SDK1: variants seen among roughly 807,000 people sequenced by gnomAD.
SDK1 encodes protein sidekick-1.
A neutral mutation model predicts 245.5 loss-of-function variants in SDK1; 157 were observed. That is an observed-to-expected ratio of 0.64 (90% CI 0.56 to 0.73). The LOEUF (loss-of-function observed/expected upper bound fraction) is 0.73, where lower values mean the gene tolerates loss of function less well. SDK1 is among the 30% of genes least tolerant of loss of function. The pLI is 0.00. For synonymous variants in SDK1, 1,647 were observed against 1,278.5 expected, an observed-to-expected ratio of 1.29 and a Z score of -6.15; for missense variants, 3,583 against 3,002.3, an observed-to-expected ratio of 1.19 and a Z score of -4.52.
At chr7:3,888,556 C>T (rs569605843) in intron 5 of SDK1, among the ~76,000 whole-genome samples, 110 of 152,268 alleles carry the variant, frequency 7.2e-4, no homozygotes, top group African/African-American at 2.5e-3. Context: ...GAATGTAATT[C>T]CTTGATAATG....
intron 4 of SDK1, among the ~76,000 whole-genome samples, chr7:3,739,041 C>T (rs6980395): frequency 0.12 from 18,429 of 151,582 alleles, 1,665 homozygotes; most frequent in African/African-American, 0.25. Flanking sequence ...AATTTTACTT[C>T]TTCCTTTCTG....
chr7:4,258,899 C>T (rs1787792543), intron 44 of SDK1, among the ~76,000 whole-genome samples: 1 of 152,224 alleles, frequency 6.6e-6, no homozygotes, highest in Admixed American at 6.5e-5. Flanking sequence ...CCTAAATATT[C>T]TGTGAATTTC....
rs193297648 is a variant in SDK1 at position 3,880,631 on chromosome 7, C to T, written c.847+59048C>T. On this transcript the variant is annotated intron_variant, in intron 5 of 44. Coordinates refer to ENST00000404826, the MANE Select transcript of SDK1 (RefSeq NM_152744.4). The stretch of plus-strand genomic sequence containing the variant: ...AGCTCAAACGCACCTGAACTAAATC[C>T]CAGAGGGCTGAGTGCTGCTGTACCA... 3.3e-5 allele frequency among the ~76,000 whole-genome samples: 5 copies of T among 149,286 alleles called. 1 individual carries two copies. In the East Asian group the frequency reaches 8.1e-4, roughly 24 times the overall value.
chr7:3,787,372 A>G (rs1181451304), intron 4 of SDK1, among the ~76,000 whole-genome samples: 2 of 152,234 alleles, frequency 1.3e-5, no homozygotes, highest in Non-Finnish European at 2.9e-5. Context: ...TTTGCAGAAA[A>G]GCAAAGGTGA....
chr7:4,130,268 A>G (rs1004765897), intron 27 of SDK1, 171 bp downstream of exon 27: 2 of 675,858 alleles, frequency 3.0e-6, no homozygotes, highest in Non-Finnish European at 2.4e-6. Flanking sequence ...TTATATGGCC[A>G]ATTTCAGCCT....
intron 14 of SDK1, among the ~76,000 whole-genome samples, chr7:3,987,780 C>G (rs1195709671): frequency 6.6e-6 from 1 of 152,148 alleles, no homozygotes. Flanking sequence ...CCATTTACCG[C>G]CATCCTTGGA....
At chr7:4,237,495 A>C (rs1786243445) in intron 41 of SDK1, 152 bp from the exon 42 acceptor site, 2 of 815,170 alleles carry the variant, frequency 2.5e-6, no homozygotes, top group African/African-American at 3.4e-5. Flanking sequence ...CCCATGGGAA[A>C]AGTCCACCCG....
At chr7:3,859,923 A>T (rs1008759608) in intron 5 of SDK1, among the ~76,000 whole-genome samples, 35 of 147,158 alleles carry the variant, frequency 2.4e-4, no homozygotes, top group South Asian at 1.1e-3. Context: ...ACTGATAGAA[A>T]TTTTTTTTTT....
At chr7:4,091,802 C>G (rs1451130443) in intron 22 of SDK1, among the ~76,000 whole-genome samples, 1 of 152,166 alleles carries the variant, frequency 6.6e-6, no homozygotes, top group Non-Finnish European at 1.5e-5. Context: ...CCAGCCAACA[C>G]CTTTACAGCT....
intron 28 of SDK1, among the ~76,000 whole-genome samples, chr7:4,132,935 A>AT (rs1251269058): frequency 1.4e-4 from 21 of 152,238 alleles, no homozygotes; most frequent in African/African-American, 4.8e-4. Context: ...TGAAATTCAC[A>AT]TTTTTTTAAC....
intron 1 of SDK1, among the ~76,000 whole-genome samples, chr7:3,451,871 A>T (rs1028207825): frequency 6.6e-5 from 10 of 152,202 alleles, no homozygotes; most frequent in African/African-American, 2.4e-4. Context: ...AAGTGTATGC[A>T]GGTGGTGTTG....
intron 35 of SDK1, among the ~76,000 whole-genome samples, chr7:4,202,628 T>C (rs1436053735): frequency 1.3e-5 from 2 of 152,240 alleles, no homozygotes; most frequent in Non-Finnish European, 2.9e-5. Context: ...GTGAATGTTT[T>C]GAATGAGTGG....
chr7:3,499,928 G>C (rs1782145420), intron 1 of SDK1, among the ~76,000 whole-genome samples: 1 of 152,162 alleles, frequency 6.6e-6, no homozygotes, highest in South Asian at 2.1e-4. Flanking sequence ...CCATTATAGG[G>C]TGAAAGGAAT....
chr7:3,420,703 A>G (rs1779511499), intron 1 of SDK1, among the ~76,000 whole-genome samples: 1 of 152,224 alleles, frequency 6.6e-6, no homozygotes, highest in Admixed American at 6.5e-5. Context: ...CTTTTTTAAC[A>G]TAATGAGAAT....
At chr7:3,502,128 A>G (rs1782235219) in intron 1 of SDK1, among the ~76,000 whole-genome samples, 1 of 152,130 alleles carries the variant, frequency 6.6e-6, no homozygotes, top group East Asian at 1.9e-4. Flanking sequence ...CGTGTGAGTT[A>G]GAAATTCAGG....
rs995007305 is a variant in SDK1 at position 3,502,493 on chromosome 7, A to AC, written c.299-116585dup. ...TTGAACTCCTGACCTCAGGTGATCC[A>AC]CCGCCTTGGCCTCCCAAAGTGCTGG... is the stretch of plus-strand genomic sequence containing the variant. On this transcript the variant is annotated intron_variant, in intron 1 of 44. Transcript: ENST00000404826. Among the ~76,000 whole-genome samples, 390 of 152,158 alleles carry AC rather than the reference A, an allele frequency of 2.6e-3. 3 individuals are homozygous for AC. The highest frequency in any genetic ancestry group is 9.2e-3 in the African/African-American group (384 of 41,524).
intron 1 of SDK1, among the ~76,000 whole-genome samples, chr7:3,308,936 A>G (rs1231400084): frequency 6.6e-6 from 1 of 152,158 alleles, no homozygotes. Flanking sequence ...TTGGGGAGGA[A>G]TATGGAAACT....
chr7:4,030,468 G>A (rs1787716230), intron 17 of SDK1, among the ~76,000 whole-genome samples: 1 of 152,206 alleles, frequency 6.6e-6, no homozygotes, highest in African/African-American at 2.4e-5. Context: ...GCTGGTGGCA[G>A]TTGACAGGTC....
chr7:4,131,077 C>G (rs1784780708), intron 27 of SDK1, among the ~76,000 whole-genome samples: 1 of 152,176 alleles, frequency 6.6e-6, no homozygotes, highest in African/African-American at 2.4e-5. Context: ...GAGGGAGATC[C>G]AGGAGGGAAT....
Sources: allele counts gnomAD v4.1 joint callset (sites outside exome capture counted in the v4.1 genomes callset), GRCh38; gene constraint gnomAD v4.1.1; transcripts MANE v1.5; gene names NCBI Gene and HGNC (gene_info 2026-07-23, HGNC 2026-07-21).